ZNF529: variants seen among roughly 807,000 people sequenced by gnomAD.
ZNF529 encodes the protein zinc finger protein 529.
In ZNF529, 11 loss-of-function variants were observed where a neutral mutation model predicts 10.1. The ratio of observed to expected loss-of-function variants is 1.09; its 90% CI spans 0.69 to 1.81. The LOEUF (loss-of-function observed/expected upper bound fraction) is 1.81. ZNF529 is among the 40% of genes most tolerant of loss of function. ZNF529 has a pLI of 0.00. For synonymous variants in ZNF529, 204 were observed against 215.7 expected, an observed-to-expected ratio of 0.95 and a Z score of 0.47; for missense variants, 624 against 666.8, an observed-to-expected ratio of 0.94 and a Z score of 0.71.
intron 2 of ZNF529, among the ~76,000 whole-genome samples, chr19:36,586,944 A>G (rs1334602637): frequency 6.6e-6 from 1 of 152,204 alleles, no homozygotes; most frequent in Non-Finnish European, 1.5e-5. Flanking sequence ...GTTTCTGTTT[A>G]CTTCTATCAG....
upstream of ZNF529, among the ~76,000 whole-genome samples, chr19:36,578,288 T>C (rs1451443548): frequency 1.7e-5 from 2 of 116,258 alleles, no homozygotes; most frequent in Admixed American, 2.1e-4. Context: ...ATGGTCTTGA[T>C]CTCTTTTTTT....
chr19:36,557,138 C>G (rs973137712), intron 2 of ZNF529, among the ~76,000 whole-genome samples: 2 of 152,098 alleles, frequency 1.3e-5, no homozygotes, highest in Admixed American at 1.3e-4. Context: ...CCATAAGTTG[C>G]AATTAGTGGT....
At chr19:36,553,041 C>T (rs776929319) in intron 4 of ZNF529, among the ~76,000 whole-genome samples, 6 of 152,172 alleles carry the variant, frequency 3.9e-5, no homozygotes, top group Non-Finnish European at 8.8e-5. Context: ...TGCAGAAGTA[C>T]CTAAATACTC....
chr19:36,599,983 C>G (rs1030150797), intron 1 of ZNF529, among the ~76,000 whole-genome samples: 1 of 152,100 alleles, frequency 6.6e-6, no homozygotes, highest in African/African-American at 2.4e-5. Context: ...ATTCTCCTGC[C>G]TCAGCCTCCC....
upstream of ZNF529, chr19:36,577,100 C>T (rs1236007142): frequency 1.2e-5 from 5 of 432,642 alleles, no homozygotes; most frequent in South Asian, 8.3e-5. Flanking sequence ...CCACAGGCAC[C>T]CACTACTATA....
At position 36,556,009 on chromosome 19, in the gene ZNF529, T is replaced by G. The variant is rs77122130; in HGVS notation, c.108+95A>C. On this transcript the variant is annotated intron_variant, in intron 3 of 4. Transcript: ENST00000591340. ...CAGCCCTTACTAGAAAGCGAAGAAG[T>G]ATGGGGTTGTGGTACAGGTTCTTTG... is the stretch of plus-strand genomic sequence containing the variant. 3.3e-3 allele frequency: 4,201 copies of G among 1,288,670 alleles called. 84 individuals are homozygous for G. In the East Asian group the frequency reaches 0.048, roughly 15 times the overall value. The allele number at this position is 1,288,670 out of a possible 1,614,324, so 79.8% of individuals were successfully genotyped here.
At chr19:36,560,088 G>A (rs2035624761) in intron 2 of ZNF529, among the ~76,000 whole-genome samples, 1 of 151,772 alleles carries the variant, frequency 6.6e-6, no homozygotes. Context: ...GAAAAACCTG[G>A]TCTCTACTGA....
chr19:36,589,876 C>T (rs1273944479), intron 1 of ZNF529, among the ~76,000 whole-genome samples: 1 of 152,004 alleles, frequency 6.6e-6, no homozygotes, highest in Non-Finnish European at 1.5e-5. Flanking sequence ...AAAAAGCATC[C>T]GTGAATTTCA....
At chr19:36,550,163 G>A (rs1188059005) in intron 4 of ZNF529, among the ~76,000 whole-genome samples, 2 of 152,148 alleles carry the variant, frequency 1.3e-5, no homozygotes, top group Non-Finnish European at 2.9e-5. Flanking sequence ...AATAATGCAG[G>A]CATCAATATC....
At chr19:36,561,982 T>A (rs2035716067) in intron 2 of ZNF529, among the ~76,000 whole-genome samples, 1 of 152,180 alleles carries the variant, frequency 6.6e-6, no homozygotes, top group African/African-American at 2.4e-5. Context: ...ATGCCTATAA[T>A]CCCAGCACTC....
intron 4 of ZNF529, among the ~76,000 whole-genome samples, chr19:36,553,454 T>C (rs535191498): frequency 6.6e-6 from 1 of 152,104 alleles, no homozygotes; most frequent in South Asian, 2.1e-4. Context: ...GTCAATTATG[T>C]AAAGTGCTTA....
chr19:36,565,762 T>C (rs943853446), intron 2 of ZNF529, among the ~76,000 whole-genome samples: 1 of 152,124 alleles, frequency 6.6e-6, no homozygotes, highest in East Asian at 1.9e-4. Flanking sequence ...CAAAAGTCTA[T>C]TGCATCTTGG....
At chr19:36,564,944 C>T (rs1476628846) in intron 2 of ZNF529, among the ~76,000 whole-genome samples, 1 of 152,102 alleles carries the variant, frequency 6.6e-6, no homozygotes, top group African/African-American at 2.4e-5. Context: ...TTTGAAGCAA[C>T]ATGGATGCAG....
At chr19:36,602,826 A>T (rs2036949345) in intron 1 of ZNF529, among the ~76,000 whole-genome samples, 1 of 151,152 alleles carries the variant, frequency 6.6e-6, no homozygotes, top group African/African-American at 2.4e-5. Context: ...GCTACTCGGG[A>T]GGCTGAGGGA....
At chr19:36,575,928 G>A (rs1015787154), upstream of ZNF529, among the ~76,000 whole-genome samples, 3 of 151,658 alleles carry the variant, frequency 2.0e-5, no homozygotes, top group African/African-American at 4.8e-5. Flanking sequence ...GGCTCCCTGC[G>A]ACCTCTGCCT....
chr19:36,592,553 C>T (rs560063606), intron 1 of ZNF529, among the ~76,000 whole-genome samples: 16 of 149,128 alleles, frequency 1.1e-4, no homozygotes, highest in African/African-American at 2.5e-4. Flanking sequence ...GAGATCACGC[C>T]GCTGCAATCC....
intron 1 of ZNF529, among the ~76,000 whole-genome samples, chr19:36,600,743 A>G (rs1250563410): frequency 6.6e-6 from 1 of 152,240 alleles, no homozygotes; most frequent in Non-Finnish European, 1.5e-5. Flanking sequence ...TATAATTCCA[A>G]GGCAAATTAT....
chr19:36,603,239 G>A (rs1407417897), intron 1 of ZNF529, among the ~76,000 whole-genome samples: 4 of 152,176 alleles, frequency 2.6e-5, no homozygotes, highest in Admixed American at 6.5e-5. Context: ...CCGTGTGAAG[G>A]CAGACTATTT....
chr19:36,573,243 G>T lies in ZNF529; in HGVS notation c.-150C>A. The T allele has an allele frequency of 3.2e-6, 1 of 310,896 alleles. No individual in the cohort carries two copies. Among genetic ancestry groups the T allele is most frequent in the Non-Finnish European group, 6.6e-6 (1 of 150,806 alleles). The allele number at this position is 310,896 out of a possible 1,614,324, so 19.3% of individuals were successfully genotyped here. On this transcript the variant is annotated 5_prime_UTR_variant, in exon 1 of 5. Transcript: ENST00000591340. ...GGCCACCTCACCGCGAGCTCCTCCCGCAGCCCGGCCCGGGTCACCTCGACT... is the reference window on the plus strand; with the variant it reads ...GGCCACCTCACCGCGAGCTCCTCCCTCAGCCCGGCCCGGGTCACCTCGACT...
Sources: gnomAD v4.1 joint callset for allele counts (sites outside exome capture counted in the v4.1 genomes callset) on GRCh38, gnomAD v4.1.1 for gene constraint, MANE v1.5 for transcripts, NCBI Gene and HGNC (gene_info 2026-07-23, HGNC 2026-07-21) for gene names.